The following DCHS2 variants were observed in gnomAD, a reference collection of about 807,000 sequenced individuals.
DCHS2 encodes protocadherin-23.
Under a neutral mutation model 182.4 loss-of-function variants are expected in DCHS2, and 142 were observed. That is an observed-to-expected ratio of 0.78 (90% CI 0.68 to 0.89). The LOEUF (loss-of-function observed/expected upper bound fraction) is 0.89, where lower values mean the gene tolerates loss of function less well. Among genes scored for constraint, DCHS2 ranks in the 40% least tolerant of loss-of-function variants. The pLI is 0.00. For missense variants in DCHS2, 4,319 were observed against 4,198.6 expected (o/e 1.03, Z -0.79); for synonymous variants, 1,740 against 1,663.3 (o/e 1.05, Z -1.12).
At chr4:154,242,354 T>C (rs1731866350) in intron 17 of DCHS2, among the ~76,000 whole-genome samples, 1 of 152,200 alleles carries the variant, frequency 6.6e-6, no homozygotes, top group Non-Finnish European at 1.5e-5. Flanking sequence ...AAAATATGCT[T>C]CTTCATAGAG....
At chr4:154,253,732 T>C (rs1732505806) in intron 16 of DCHS2, among the ~76,000 whole-genome samples, 1 of 152,230 alleles carries the variant, frequency 6.6e-6, no homozygotes, top group Non-Finnish European at 1.5e-5. Flanking sequence ...TTGAAGTATA[T>C]TAAACAAAAA....
chr4:154,390,090 T>C (rs1345888143), intron 1 of DCHS2, among the ~76,000 whole-genome samples: 1 of 150,750 alleles, frequency 6.6e-6, no homozygotes, highest in Non-Finnish European at 1.5e-5. Context: ...ACTCTTTTTT[T>C]TTATTTTTTT....
intron 1 of DCHS2, among the ~76,000 whole-genome samples, chr4:154,377,706 C>T (rs142559854): frequency 8.5e-4 from 130 of 152,264 alleles, no homozygotes; most frequent in Non-Finnish European, 1.7e-3. Context: ...TTTGAGGTCC[C>T]TAAGGACCTT....
chr4:154,312,540 T>C (rs990031720), intron 10 of DCHS2, among the ~76,000 whole-genome samples: 5 of 152,138 alleles, frequency 3.3e-5, no homozygotes, highest in Non-Finnish European at 7.4e-5. Context: ...CAGAGCGAGA[T>C]TCCGTCTGTA....
intron 1 of DCHS2, among the ~76,000 whole-genome samples, chr4:154,395,527 C>T (rs973183196): frequency 2.0e-5 from 3 of 152,188 alleles, no homozygotes; most frequent in Non-Finnish European, 4.4e-5. Flanking sequence ...CCTGCCATAG[C>T]CCATAAGATC....
intron 9 of DCHS2, among the ~76,000 whole-genome samples, chr4:154,319,984 T>TAC (rs35953514): frequency 0.27 from 40,561 of 152,008 alleles, 6,442 homozygotes; most frequent in South Asian, 0.36. Flanking sequence ...GGTATGTGCA[T>TAC]ACCATTGAAG....
At chr4:154,307,925 G>A (rs1735514279) in intron 10 of DCHS2, among the ~76,000 whole-genome samples, 1 of 152,060 alleles carries the variant, frequency 6.6e-6, no homozygotes, top group Non-Finnish European at 1.5e-5. Context: ...GTACTCAACT[G>A]TACCCCTTAC....
intron 13 of DCHS2, among the ~76,000 whole-genome samples, chr4:154,287,626 A>T (rs192301128): frequency 6.6e-6 from 1 of 152,002 alleles, no homozygotes; most frequent in Non-Finnish European, 1.5e-5. Flanking sequence ...GATTACAGGT[A>T]TGTGCACCAT....
chr4:154,457,651 T>C (rs1373034945), intron 1 of DCHS2, among the ~76,000 whole-genome samples: 3 of 152,198 alleles, frequency 2.0e-5, no homozygotes, highest in African/African-American at 7.2e-5. Flanking sequence ...ATCTATGCCA[T>C]CTGTTACATC....
At chr4:154,271,022 A>G (rs1733565460) in intron 13 of DCHS2, among the ~76,000 whole-genome samples, 1 of 152,166 alleles carries the variant, frequency 6.6e-6, no homozygotes, top group Admixed American at 6.6e-5. Context: ...TTGGAAAGAC[A>G]AAAGAGAAGG....
chr4:154,465,007 C>G (rs1298414015), intron 1 of DCHS2, among the ~76,000 whole-genome samples: 2 of 152,184 alleles, frequency 1.3e-5, no homozygotes, highest in African/African-American at 4.8e-5. Context: ...GGTTTAAATA[C>G]TGTTAAAAAG....
chr4:154,369,221 G>T (rs1212349573), intron 2 of DCHS2, among the ~76,000 whole-genome samples: 1 of 152,138 alleles, frequency 6.6e-6, no homozygotes, highest in Non-Finnish European at 1.5e-5. Context: ...TTACAAAAAA[G>T]GTAGAGAACT....
Position 154,349,441 on chromosome 4 carries a change from G to A in DCHS2, c.2477-14337C>T, listed in dbSNP as rs1020002367. Among the ~76,000 whole-genome samples, 11 of 152,126 alleles carry A rather than the reference G, an allele frequency of 7.2e-5. No individual in the cohort carries two copies. In the East Asian group the frequency reaches 1.9e-3, roughly 27 times the overall value. ...TTTGGTCTGGTCTGTTGGGCCTAGC[G>A]CAGGAGCTCCGTTCAAACCAATGAC... On this transcript the variant is annotated intron_variant, in intron 3 of 19. Coordinates refer to ENST00000357232, the MANE Select transcript of DCHS2 (RefSeq NM_001358235.2).
At chr4:154,334,228 G>A (rs967667272) in intron 4 of DCHS2, 1 of 152,806 alleles carries the variant, frequency 6.5e-6, no homozygotes, top group African/African-American at 2.4e-5. Context: ...GGAAGGGAGA[G>A]AGGAAGGAAC....
chr4:154,470,235 T>G (rs1326600620), intron 1 of DCHS2, among the ~76,000 whole-genome samples: 1 of 152,138 alleles, frequency 6.6e-6, no homozygotes, highest in East Asian at 1.9e-4. Flanking sequence ...TCCAGCACTT[T>G]GGGAGGCTGA....
chr4:154,323,242 G>A lies in DCHS2; in HGVS notation c.4019-754C>T, dbSNP rs934397000. On this transcript the variant is annotated intron_variant, in intron 7 of 19. Transcript: ENST00000357232. Reference sequence around the variant, plus strand: ...GATCTAGAGAACTGACCAGATTCAGGTCAGGATTTTGTTTGTTTGTTTGTT... The same window carrying A: ...GATCTAGAGAACTGACCAGATTCAGATCAGGATTTTGTTTGTTTGTTTGTT... 1.1e-5 allele frequency: 17 copies of A among 1,502,418 alleles called. No individual in the cohort carries two copies. In the African/African-American group the frequency reaches 2.3e-4, roughly 20 times the overall value. The allele number at this position is 1,502,418 out of a possible 1,614,324, so 93.1% of individuals were successfully genotyped here.
intron 10 of DCHS2, among the ~76,000 whole-genome samples, chr4:154,312,923 A>T (rs1011083459): frequency 1.3e-5 from 2 of 152,216 alleles, no homozygotes; most frequent in Admixed American, 6.5e-5. Flanking sequence ...GGTGTCTTAG[A>T]TTTGATGAAA....
chr4:154,385,525 A>G (rs1023417095), intron 1 of DCHS2, among the ~76,000 whole-genome samples: 1 of 151,988 alleles, frequency 6.6e-6, no homozygotes, highest in Non-Finnish European at 1.5e-5. Context: ...GTTGAACTCC[A>G]TCTCCAGGCT....
chr4:154,248,514 A>T (rs116413885), intron 16 of DCHS2, among the ~76,000 whole-genome samples: 2,886 of 152,214 alleles, frequency 0.019, 107 homozygotes, highest in African/African-American at 0.065. Context: ...TGATTTTTTT[A>T]AAAAATGTAT....
Sources: gnomAD v4.1 joint callset for allele counts (sites outside exome capture counted in the v4.1 genomes callset) on GRCh38, gnomAD v4.1.1 for gene constraint, MANE v1.5 for transcripts, NCBI Gene and HGNC (gene_info 2026-07-23, HGNC 2026-07-21) for gene names.